Variants in TMEFF1 observed in about 807,000 individuals in gnomAD.
TMEFF1 encodes the protein tomoregulin-1.
In TMEFF1, 20 loss-of-function variants were observed where a neutral mutation model predicts 47.5. That is an observed-to-expected ratio of 0.42 (90% CI 0.30 to 0.61). TMEFF1 has a LOEUF of 0.61. Ranked by LOEUF, TMEFF1 falls within the 20% of genes least tolerant of loss-of-function variation. The probability of loss-of-function intolerance (pLI) is 0.19; values close to 1 mark genes in which losing one functional copy is unlikely to be tolerated. For synonymous variants in TMEFF1, 162 were observed against 166.3 expected (o/e 0.97, Z 0.20); for missense variants, 411 against 471.1 (o/e 0.87, Z 1.18).
chr9:100,529,851 C>G (rs936785544), intron 5 of TMEFF1, among the ~76,000 whole-genome samples: 3 of 152,134 alleles, frequency 2.0e-5, no homozygotes, highest in African/African-American at 7.2e-5. Flanking sequence ...AAGTAAAGCT[C>G]TCCTCAGCAA....
chr9:100,511,165 C>T (rs1587829004), intron 3 of TMEFF1, among the ~76,000 whole-genome samples: 1 of 152,280 alleles, frequency 6.6e-6, no homozygotes. Context: ...TTCTTATATA[C>T]TTCTTTAAGT....
chr9:100,474,806 A>G (rs1252204028), intron 1 of TMEFF1, among the ~76,000 whole-genome samples: 1 of 152,100 alleles, frequency 6.6e-6, no homozygotes, highest in Non-Finnish European at 1.5e-5. Flanking sequence ...GCCCCCCCAC[A>G]GCTGTTGGAA....
intron 1 of TMEFF1, among the ~76,000 whole-genome samples, chr9:100,492,329 A>G (rs901695508): frequency 7.2e-5 from 11 of 152,204 alleles, no homozygotes; most frequent in Non-Finnish European, 1.3e-4. Context: ...ACCTTATTCA[A>G]GTCTTTGAGT....
chr9:100,558,349 A>G (rs1838954772), intron 7 of TMEFF1, among the ~76,000 whole-genome samples: 1 of 152,008 alleles, frequency 6.6e-6, no homozygotes, highest in Non-Finnish European at 1.5e-5. Context: ...ATACCCTTTC[A>G]TGACCATGTT....
chr9:100,478,157 C>G (rs1837270183), intron 1 of TMEFF1, among the ~76,000 whole-genome samples: 1 of 152,156 alleles, frequency 6.6e-6, no homozygotes, highest in Non-Finnish European at 1.5e-5. Context: ...ACCTTAGAAG[C>G]TGGTTTCCTT....
At chr9:100,526,410 T>A (rs1332130659) in intron 5 of TMEFF1, among the ~76,000 whole-genome samples, 1 of 152,186 alleles carries the variant, frequency 6.6e-6, no homozygotes, top group African/African-American at 2.4e-5. Context: ...AATGTTGACA[T>A]CCTGGTCTAG....
chr9:100,513,930 T>C (rs1263628108), intron 4 of TMEFF1, among the ~76,000 whole-genome samples: 2 of 152,240 alleles, frequency 1.3e-5, no homozygotes, highest in Non-Finnish European at 2.9e-5. Context: ...TTTTTGATTT[T>C]ATTTTACAAA....
intron 4 of TMEFF1, among the ~76,000 whole-genome samples, chr9:100,516,441 CATAGTT>C (rs1213471383): frequency 1.3e-5 from 2 of 152,062 alleles, no homozygotes; most frequent in Non-Finnish European, 2.9e-5. Flanking sequence ...GTTCTGCCTA[CATAGTT>C]TAAGGGATCA....
At position 100,507,698 on chromosome 9, in the gene TMEFF1, AT is replaced by A. The variant is rs554614138; in HGVS notation, c.307-1304del. Among the ~76,000 whole-genome samples, 413 of 152,086 alleles carry A rather than the reference AT, an allele frequency of 2.7e-3. 2 individuals carry two copies. Among genetic ancestry groups the A allele is most frequent in the African/African-American group, 9.8e-3 (406 of 41,506 alleles). On this transcript the variant is annotated intron_variant, in intron 2 of 9. Transcript: ENST00000374879. ...CCTTTGCCCTATTTTTAATGGAATT[AT>A]TTGCCTTTTGCTTGTTGGATTGTTT...
At chr9:100,528,421 G>A (rs1298344699) in intron 5 of TMEFF1, among the ~76,000 whole-genome samples, 1 of 146,562 alleles carries the variant, frequency 6.8e-6, no homozygotes, top group Non-Finnish European at 1.5e-5. Context: ...TGAAAATCAA[G>A]GCTCGAGAAC....
intron 5 of TMEFF1, 46 bp downstream of exon 5, chr9:100,516,817 A>G (rs1311645264): frequency 1.3e-6 from 2 of 1,595,940 alleles, no homozygotes; most frequent in Non-Finnish European, 1.7e-6. Flanking sequence ...GAGATTAATC[A>G]TCAGTATGAT....
chr9:100,566,194 G>A (rs1358752368), intron 8 of TMEFF1, among the ~76,000 whole-genome samples: 2 of 152,088 alleles, frequency 1.3e-5, no homozygotes, highest in Non-Finnish European at 2.9e-5. Context: ...CAATGTAGTA[G>A]TGTACCCGGG....
At position 100,493,546 on chromosome 9, in the gene TMEFF1, C is replaced by T. The variant is rs142295327; in HGVS notation, c.197-5219C>T. ...AGCTTTGAAATGTTAATGAAATTCT[C>T]GAGACAAGTTTTACATTTTGAGAAT... On this transcript the variant is annotated intron_variant, in intron 1 of 9. Transcript: ENST00000374879. Among the ~76,000 whole-genome samples the T allele has an allele frequency of 3.2e-3, 480 of 152,228 alleles. 3 individuals carry two copies. The highest frequency in any genetic ancestry group is 0.011 in the African/African-American group (448 of 41,544).
At position 100,516,773 on chromosome 9, in the gene TMEFF1, T is replaced by C; in HGVS notation, c.560+2T>C. 6.2e-7 allele frequency: 1 copy of C among 1,612,326 alleles called. No homozygotes were observed. The highest frequency in any genetic ancestry group is 8.5e-7 in the Non-Finnish European group (1 of 1,179,456). On this transcript the variant is annotated splice_donor_variant, in intron 5 of 9. Transcript: ENST00000374879. LOFTEE classifies it high-confidence loss of function. ...TGATGAAGATGCAGAAAATGTTGGG[T>C]GAGTTGGTTGAGGGGAAGGGACAAA... is the stretch of plus-strand genomic sequence containing the variant.
At chr9:100,528,415 A>T (rs1042444938) in intron 5 of TMEFF1, among the ~76,000 whole-genome samples, 28 of 146,584 alleles carry the variant, frequency 1.9e-4, no homozygotes, top group Non-Finnish European at 3.6e-4. Flanking sequence ...TGGGGCTGAA[A>T]ATCAAGGCTC....
Position 100,577,562 on chromosome 9 carries a change from A to C in TMEFF1, c.*962A>C, listed in dbSNP as rs1007626932. ...ATTCAAAAGTATGCATGTAGAATTT[A>C]AAGAATATGTTAAAAATTATTAATT... On this transcript the variant is annotated 3_prime_UTR_variant, in exon 10 of 10. Transcript: ENST00000374879. 6.6e-6 allele frequency: 1 copy of C among 152,408 alleles called. No homozygotes were observed. Among genetic ancestry groups the C allele is most frequent in the South Asian group, 2.1e-4 (1 of 4,828 alleles). 9.4% of individuals were successfully genotyped at this position (152,408 alleles called of 1,614,324 possible). A position where few individuals can be genotyped will look rare whatever the true frequency, so the allele number is the denominator to read the frequency against.
At chr9:100,523,300 T>C (rs1169442278) in intron 5 of TMEFF1, among the ~76,000 whole-genome samples, 1 of 152,202 alleles carries the variant, frequency 6.6e-6, no homozygotes, top group African/African-American at 2.4e-5. Flanking sequence ...CTTATAAGCC[T>C]ACCTTGCGTT....
At chr9:100,569,175 A>G (rs752420275) in intron 8 of TMEFF1, among the ~76,000 whole-genome samples, 4 of 152,176 alleles carry the variant, frequency 2.6e-5, no homozygotes, top group Admixed American at 6.6e-5. Context: ...TGGCTGCACC[A>G]TTTTACACAC....
At chr9:100,531,519 C>T (rs1354326763) in intron 5 of TMEFF1, among the ~76,000 whole-genome samples, 1 of 152,020 alleles carries the variant, frequency 6.6e-6, no homozygotes, top group Non-Finnish European at 1.5e-5. Flanking sequence ...ACCTAGGAAT[C>T]CAACTTACAA....
Sources: allele counts gnomAD v4.1 joint callset (sites outside exome capture counted in the v4.1 genomes callset), GRCh38; gene constraint gnomAD v4.1.1; transcripts MANE v1.5; gene names NCBI Gene and HGNC (gene_info 2026-07-23, HGNC 2026-07-21).